SLC13A3: variants seen among roughly 807,000 people sequenced by gnomAD.
The protein encoded by SLC13A3 is solute carrier family 13 member 3.
A neutral mutation model predicts 59.0 loss-of-function variants in SLC13A3; 40 were observed. The ratio of observed to expected loss-of-function variants is 0.68; its 90% confidence interval spans 0.53 to 0.88. SLC13A3 has a LOEUF of 0.88. Among genes scored for constraint, SLC13A3 ranks in the 40% least tolerant of loss-of-function variants. SLC13A3 has a pLI of 0.00. For synonymous variants in SLC13A3, 317 were observed against 330.3 expected (o/e 0.96, Z 0.44); for missense variants, 699 against 783.2 (o/e 0.89, Z 1.28).
chr20:46,619,569 G>T (rs1257960318), intron 1 of SLC13A3, among the ~76,000 whole-genome samples: 1 of 152,186 alleles, frequency 6.6e-6, no homozygotes, highest in African/African-American at 2.4e-5. Flanking sequence ...ATGGCCCCCA[G>T]ACTCACAGTC....
At chr20:46,634,812 G>C (rs772964277) in intron 1 of SLC13A3, among the ~76,000 whole-genome samples, 7 of 152,118 alleles carry the variant, frequency 4.6e-5, no homozygotes, top group Non-Finnish European at 8.8e-5. Flanking sequence ...GGGCAGCTCC[G>C]TCCTCTCTCT....
At chr20:46,605,463 A>G (rs1401304170) in intron 3 of SLC13A3, among the ~76,000 whole-genome samples, 1 of 152,136 alleles carries the variant, frequency 6.6e-6, no homozygotes, top group Non-Finnish European at 1.5e-5. Flanking sequence ...ATGCTTCTGT[A>G]GGGTCTTATT....
chr20:46,665,566 C>A (rs145293580), intron 1 of SLC13A3, among the ~76,000 whole-genome samples: 1 of 152,218 alleles, frequency 6.6e-6, no homozygotes, highest in Non-Finnish European at 1.5e-5. Context: ...TGTCACAGCA[C>A]GCATTGGTAC....
rs192628196 is a variant in SLC13A3, at chr20:46,591,226, A to G, written c.920+1178T>C. ...CAAACAAAAATCTGTCACGGAGGCC[A>G]GTCACTAGAAAAAGATATCTATGTC... On this transcript the variant is annotated intron_variant, in intron 6 of 12. Transcript: ENST00000279027. Among the ~76,000 whole-genome samples the G allele has an allele frequency of 3.8e-3, 576 of 152,318 alleles. 5 individuals are homozygous for G. The highest frequency in any genetic ancestry group is 0.013 in the African/African-American group (549 of 41,576).
chr20:46,606,714 A>C (rs2062440344), intron 3 of SLC13A3, among the ~76,000 whole-genome samples: 1 of 152,208 alleles, frequency 6.6e-6, no homozygotes, highest in African/African-American at 2.4e-5. Context: ...AAAAACAAAA[A>C]CAAAATCCAG....
upstream of SLC13A3, among the ~76,000 whole-genome samples, chr20:46,671,710 C>T (rs921255689): frequency 6.6e-6 from 1 of 152,100 alleles, no homozygotes; most frequent in Non-Finnish European, 1.5e-5. Flanking sequence ...AAGTCTCTGC[C>T]AGCACAATGG....
chr20:46,617,266 G>A lies in SLC13A3; in HGVS notation c.112-3541C>T, dbSNP rs373955980. Among the ~76,000 whole-genome samples, 10 of 152,252 alleles carry A rather than the reference G, an allele frequency of 6.6e-5. No individual in the cohort carries two copies. In the South Asian group the frequency reaches 1.2e-3, roughly 19 times the overall value. Reference sequence around the variant, plus strand: ...TTCCTGACCACATTTTATGCCCTGGGCTGGAAGCTGGTACAAGGAAAATGA... The same window carrying A: ...TTCCTGACCACATTTTATGCCCTGGACTGGAAGCTGGTACAAGGAAAATGA... On this transcript the variant is annotated intron_variant, in intron 1 of 12. Transcript: ENST00000279027.
At chr20:46,662,835 C>T (rs1376576241) in intron 1 of SLC13A3, among the ~76,000 whole-genome samples, 1 of 152,150 alleles carries the variant, frequency 6.6e-6, no homozygotes, top group Admixed American at 6.5e-5. Context: ...AAATTAGAAC[C>T]TTGCAAAGTT....
intron 10 of SLC13A3, among the ~76,000 whole-genome samples, chr20:46,567,538 G>T (rs2061991353): frequency 6.6e-6 from 1 of 151,880 alleles, no homozygotes; most frequent in Non-Finnish European, 1.5e-5. Context: ...TCTTCCTCTG[G>T]ACCCACCAGT....
rs367989464 is a variant in SLC13A3, at chr20:46,588,118, G to A, written c.1062C>T (p.Ile354=). 5 of 1,613,300 alleles carry A rather than the reference G, an allele frequency of 3.1e-6. No homozygotes were observed. Among genetic ancestry groups the A allele is most frequent in the Admixed American group, 3.3e-5 (2 of 59,946 alleles). Residue 354 remains isoleucine, a synonymous_variant, in exon 8 of 13, where the codon ATC becomes ATT. Transcript: ENST00000279027. ...ACTTCGGGTCCCGGGTGAAGAGGAGGATGGCAAACATGCAGAAAAGGATGA... is the reference window on the plus strand; with the variant it reads ...ACTTCGGGTCCCGGGTGAAGAGGAGAATGGCAAACATGCAGAAAAGGATGA... The part of the protein sequence containing the change: ...AVFILFCMFA[I]LLFTRDPKFI...
At chr20:46,568,401 CAAAAAAAAAAAAAA>C (rs66526539) in intron 10 of SLC13A3, among the ~76,000 whole-genome samples, 3 of 58,696 alleles carry the variant, frequency 5.1e-5, no homozygotes, top group East Asian at 4.4e-4. Context: ...GACTCCATCT[CAAAAAAAAAAAAAA>C]AAAAAAAAAA....
intron 1 of SLC13A3, among the ~76,000 whole-genome samples, chr20:46,684,036 G>A (rs2063166888): frequency 6.6e-6 from 1 of 151,978 alleles, no homozygotes; most frequent in Non-Finnish European, 1.5e-5. Flanking sequence ...TTGTAACAGG[G>A]CCCTGCAGGA....
chr20:46,632,022 A>G (rs2062743669), intron 1 of SLC13A3, among the ~76,000 whole-genome samples: 1 of 152,150 alleles, frequency 6.6e-6, no homozygotes. Context: ...GCTGGGCTGC[A>G]GCTGGCATTT....
chr20:46,564,032 G>C lies in SLC13A3; in HGVS notation c.1495-481C>G, dbSNP rs571159005. ...TCAGCAAGTCTGGGGTGGGATCCAA[G>C]AATCTGCATTCCTGACGTGTTCCCC... On this transcript the variant is annotated intron_variant, in intron 11 of 12. Coordinates refer to ENST00000279027, the MANE Select transcript of SLC13A3 (RefSeq NM_022829.6). Among the ~76,000 whole-genome samples the C allele has an allele frequency of 9.9e-4, 151 of 152,342 alleles. 4 individuals carry two copies. In the South Asian group the frequency reaches 0.029, roughly 30 times the overall value.
intron 1 of SLC13A3, 87 bp from the exon 2 acceptor site, chr20:46,613,812 G>A (rs1042042126): frequency 1.2e-5 from 15 of 1,249,894 alleles, no homozygotes; most frequent in Middle Eastern, 2.4e-4. Context: ...GAGGGGGAAG[G>A]AGGCCTGGGC....
chr20:46,615,355 A>G (rs1390395034), intron 1 of SLC13A3, among the ~76,000 whole-genome samples: 1 of 152,174 alleles, frequency 6.6e-6, no homozygotes, highest in Non-Finnish European at 1.5e-5. Flanking sequence ...CTCATAGAAC[A>G]TATCCTCAGC....
At chr20:46,640,095 T>G (rs1161686909) in intron 1 of SLC13A3, among the ~76,000 whole-genome samples, 1 of 152,188 alleles carries the variant, frequency 6.6e-6, no homozygotes, top group Non-Finnish European at 1.5e-5. Flanking sequence ...TGGCACTTAG[T>G]AGATGCTAGA....
intron 1 of SLC13A3, among the ~76,000 whole-genome samples, chr20:46,617,603 T>TGTGTGC (rs756029373): frequency 0.022 from 1,223 of 54,760 alleles, 16 homozygotes; most frequent in African/African-American, 0.094. Context: ...TGTGTGTGTG[T>TGTGTGC]GTGTGCGTGT....
upstream of SLC13A3, among the ~76,000 whole-genome samples, chr20:46,671,813 A>G (rs930430349): frequency 6.6e-6 from 1 of 152,168 alleles, no homozygotes; most frequent in Non-Finnish European, 1.5e-5. Flanking sequence ...CTCTGAGCTG[A>G]GGGCCTCCCT....
Sources: allele counts gnomAD v4.1 joint callset (sites outside exome capture counted in the v4.1 genomes callset), GRCh38; gene constraint gnomAD v4.1.1; transcripts MANE v1.5; gene names NCBI Gene and HGNC (gene_info 2026-07-23, HGNC 2026-07-21).